The following ALCAM variants were observed in gnomAD, a reference collection of about 807,000 sequenced individuals.
The protein encoded by ALCAM is CD166 antigen.
A neutral mutation model predicts 70.9 loss-of-function variants in ALCAM; 30 were observed. The observed-to-expected ratio is 0.42, with a 90% confidence interval of 0.32 to 0.57. The LOEUF (loss-of-function observed/expected upper bound fraction) is 0.57. Ranked by LOEUF, ALCAM falls within the 20% of genes least tolerant of loss-of-function variation. The pLI is 0.11. For synonymous variants in ALCAM, 249 were observed against 242.5 expected, an observed-to-expected ratio of 1.03 and a Z score of -0.25; for missense variants, 591 against 695.1, an observed-to-expected ratio of 0.85 and a Z score of 1.68.
At chr3:105,525,396 C>T (rs1939674510) in intron 3 of ALCAM, 1 of 965,212 alleles carries the variant, frequency 1.0e-6, no homozygotes, top group African/African-American at 1.8e-5. Context: ...AATAAAAAGT[C>T]CCGCCTCTAT....
chr3:105,488,659 A>AG (rs1013869735), intron 1 of ALCAM, among the ~76,000 whole-genome samples: 6 of 142,440 alleles, frequency 4.2e-5, no homozygotes, highest in African/African-American at 1.5e-4. Context: ...GATGGAAGGA[A>AG]GGGGAAGGGA....
At chr3:105,512,192 T>C (rs568624750) in intron 1 of ALCAM, among the ~76,000 whole-genome samples, 1 of 152,142 alleles carries the variant, frequency 6.6e-6, no homozygotes, top group South Asian at 2.1e-4. Context: ...AAGAGATCTT[T>C]TTGTTGTCAT....
chr3:105,543,133 C>A (rs1940163983), intron 8 of ALCAM, among the ~76,000 whole-genome samples: 1 of 151,484 alleles, frequency 6.6e-6, no homozygotes, highest in Non-Finnish European at 1.5e-5. Context: ...TTAAGAGATG[C>A]AAGGTACACA....
intron 1 of ALCAM, among the ~76,000 whole-genome samples, chr3:105,427,544 G>C (rs1936820994): frequency 6.6e-6 from 1 of 151,860 alleles, no homozygotes; most frequent in Non-Finnish European, 1.5e-5. Flanking sequence ...AAGACAGGAA[G>C]CTCTAGTCTC....
At chr3:105,452,365 C>T (rs1937449936) in intron 1 of ALCAM, among the ~76,000 whole-genome samples, 1 of 152,138 alleles carries the variant, frequency 6.6e-6, no homozygotes, top group South Asian at 2.1e-4. Flanking sequence ...AGGATGATGG[C>T]TTCCAGCTTC....
intron 1 of ALCAM, among the ~76,000 whole-genome samples, chr3:105,377,125 C>T (rs1349811530): frequency 6.6e-6 from 1 of 152,022 alleles, no homozygotes; most frequent in Non-Finnish European, 1.5e-5. Context: ...TTTCATTTAA[C>T]AGTACATTTT....
Position 105,418,504 on chromosome 3 carries a change from G to GA in ALCAM, c.73+51033dup, listed in dbSNP as rs373781785. On this transcript the variant is annotated intron_variant, in intron 1 of 15. Coordinates refer to ENST00000306107, the MANE Select transcript of ALCAM (RefSeq NM_001627.4). ...TTACTACCATGAGATTTAAAGCAAA[G>GA]AAAAAAAAAACAGTTAATGACAGTT... 4.4e-3 allele frequency among the ~76,000 whole-genome samples: 646 copies of GA among 145,942 alleles called. 2 individuals are homozygous for GA. Among genetic ancestry groups the GA allele is most frequent in the Non-Finnish European group, 6.4e-3 (423 of 65,776 alleles).
At chr3:105,379,486 A>AG (rs1243866770) in intron 1 of ALCAM, among the ~76,000 whole-genome samples, 1 of 151,824 alleles carries the variant, frequency 6.6e-6, no homozygotes, top group Non-Finnish European at 1.5e-5. Context: ...CAAAAAAAAG[A>AG]GAAAAAAACA....
intron 1 of ALCAM, among the ~76,000 whole-genome samples, chr3:105,518,970 G>T (rs1939457804): frequency 1.3e-5 from 2 of 152,064 alleles, no homozygotes; most frequent in South Asian, 4.1e-4. Context: ...CAGAAAGTCA[G>T]AAGATGGTTT....
chr3:105,508,512 T>C (rs114746346), intron 1 of ALCAM, among the ~76,000 whole-genome samples: 2,282 of 152,292 alleles, frequency 0.015, 26 homozygotes, highest in Middle Eastern at 0.037. Context: ...AAATGTACAA[T>C]GTATATAAAA....
intron 1 of ALCAM, among the ~76,000 whole-genome samples, chr3:105,420,626 C>G (rs1488117326): frequency 6.6e-6 from 1 of 151,668 alleles, no homozygotes; most frequent in Non-Finnish European, 1.5e-5. Flanking sequence ...TAATGCCACT[C>G]CTGGTCCAGT....
At chr3:105,368,680 CG>C (rs769350779) in intron 1 of ALCAM, among the ~76,000 whole-genome samples, 46 of 152,166 alleles carry the variant, frequency 3.0e-4, no homozygotes, top group South Asian at 4.1e-4. Flanking sequence ...CAGGAACTGG[CG>C]GGGAGAGGGG....
chr3:105,401,456 G>A (rs1260214715), intron 1 of ALCAM, among the ~76,000 whole-genome samples: 3 of 152,174 alleles, frequency 2.0e-5, no homozygotes, highest in African/African-American at 7.2e-5. Context: ...GAAATACGCT[G>A]TATTTTCCAC....
In ALCAM at chr3:105,555,938, T is replaced by C. The variant is rs1202539935; in HGVS notation, c.1664+3353T>C. Among the ~76,000 whole-genome samples the C allele has an allele frequency of 3.9e-5, 6 of 152,006 alleles. No individual in the cohort carries two copies. In the East Asian group the frequency reaches 1.2e-3, roughly 29 times the overall value. Reference sequence around the variant, plus strand: ...TGATGACGAGAATAGATGACTCTGATTTTTTTCCATGTATGTAGGGTATTA... The same window carrying C: ...TGATGACGAGAATAGATGACTCTGACTTTTTTCCATGTATGTAGGGTATTA... On this transcript the variant is annotated intron_variant, in intron 14 of 15. Coordinates refer to ENST00000306107, the MANE Select transcript of ALCAM (RefSeq NM_001627.4).
rs560764333 is a variant in ALCAM at position 105,446,239 on chromosome 3, A to T, written c.74-73828A>T. Among the ~76,000 whole-genome samples, 18 of 152,294 alleles carry T rather than the reference A, an allele frequency of 1.2e-4. No individual in the cohort carries two copies. In the South Asian group the frequency reaches 3.7e-3, roughly 32 times the overall value. On this transcript the variant is annotated intron_variant, in intron 1 of 15. Transcript: ENST00000306107. ...TATGAAAAAATGCTCATTATCACTA[A>T]TAATCAGGGAAAAGCAAATCAAAAC... is the stretch of plus-strand genomic sequence containing the variant.
chr3:105,536,235 A>G (rs898709509), intron 6 of ALCAM, among the ~76,000 whole-genome samples: 2 of 151,914 alleles, frequency 1.3e-5, no homozygotes, highest in Non-Finnish European at 2.9e-5. Flanking sequence ...CTGGGATTAG[A>G]AGCGCATGCC....
intron 9 of ALCAM, 92 bp from the exon 10 acceptor site, chr3:105,547,057 A>G (rs1940266806): frequency 2.8e-6 from 3 of 1,064,902 alleles, no homozygotes; most frequent in Admixed American, 2.9e-5. Context: ...TATTATTCCC[A>G]GAAGAATTGT....
chr3:105,546,747 GA>G (rs1940257754), intron 9 of ALCAM, among the ~76,000 whole-genome samples: 1 of 151,324 alleles, frequency 6.6e-6, no homozygotes, highest in African/African-American at 2.4e-5. Context: ...TGGGGAGTGG[GA>G]AAAAATATCC....
intron 1 of ALCAM, among the ~76,000 whole-genome samples, chr3:105,379,487 G>GA (rs1193823817): frequency 2.0e-5 from 3 of 151,308 alleles, no homozygotes; most frequent in South Asian, 2.1e-4. Flanking sequence ...AAAAAAAAGA[G>GA]AAAAAAACAC....
Sources: allele counts gnomAD v4.1 joint callset (sites outside exome capture counted in the v4.1 genomes callset), GRCh38; gene constraint gnomAD v4.1.1; transcripts MANE v1.5; gene names NCBI Gene and HGNC (gene_info 2026-07-23, HGNC 2026-07-21).